Variants in CDC42BPB observed in about 807,000 individuals in gnomAD.
CDC42BPB encodes serine/threonine-protein kinase MRCK beta.
In CDC42BPB, 37 loss-of-function variants were observed where a neutral mutation model predicts 214.9. The observed-to-expected ratio is 0.17, with a 90% CI of 0.13 to 0.23. The LOEUF (loss-of-function observed/expected upper bound fraction) is 0.23, where lower values mean the gene tolerates loss of function less well. Ranked by LOEUF, CDC42BPB falls within the 10% of genes least tolerant of loss-of-function variation. CDC42BPB has a pLI of 1.00. For missense variants in CDC42BPB, 1,694 were observed against 2,227.0 expected, an observed-to-expected ratio of 0.76 and a Z score of 4.82; for synonymous variants, 931 against 884.0, an observed-to-expected ratio of 1.05 and a Z score of -0.94.
chr14:102,957,044 A>G (rs1302032058), intron 21 of CDC42BPB, among the ~76,000 whole-genome samples: 1 of 149,044 alleles, frequency 6.7e-6, no homozygotes, highest in Non-Finnish European at 1.5e-5. Flanking sequence ...AAAAAAAAAA[A>G]AAAAAAATTA....
In CDC42BPB at chr14:102,964,646, G is replaced by A. The variant is rs1319568762; in HGVS notation, c.2582C>T (p.Pro861Leu). ...CTGGCTGCGGCGCACCTTCCACAGC[G>A]GGTCCTTGAGACACGGTCATGGCGT... is the stretch of plus-strand genomic sequence containing the variant. ...SSSLGSRTLD[P>L]LWKVRRSQKL... Residue 861 changes from proline (P) to leucine (L), a missense_variant, in exon 19 of 37, where the codon CCG (proline) becomes CTG (leucine). By Grantham distance (98) the Pro-to-Leu change is moderately conservative. Transcript: ENST00000361246. 4.4e-6 allele frequency: 7 copies of A among 1,606,744 alleles called. No individual in the cohort carries two copies. The highest frequency in any genetic ancestry group is 6.0e-6 in the Non-Finnish European group (7 of 1,175,560).
At chr14:102,967,213 T>C in intron 16 of CDC42BPB, 43 bp from the exon 17 acceptor site, 1 of 1,587,904 alleles carries the variant, frequency 6.3e-7, no homozygotes, top group Non-Finnish European at 8.6e-7. Flanking sequence ...TAATCGGGCA[T>C]CCTTTAAGTA....
At chr14:102,999,511 G>C in intron 5 of CDC42BPB, 54 bp downstream of exon 5, 1 of 1,584,372 alleles carries the variant, frequency 6.3e-7, no homozygotes, top group South Asian at 1.1e-5. Flanking sequence ...GCTCTGAAAG[G>C]AGTCTTTTAA....
At chr14:102,973,971 T>C in intron 12 of CDC42BPB, 45 bp downstream of exon 12, 2 of 1,565,348 alleles carry the variant, frequency 1.3e-6, no homozygotes, top group Non-Finnish European at 8.6e-7. Flanking sequence ...TACAGAATTC[T>C]GCAAAGTCCC....
At position 102,943,483 on chromosome 14, in the gene CDC42BPB, T is replaced by C. The variant is rs994895034; in HGVS notation, c.4408+408A>G. 6.6e-6 allele frequency among the ~76,000 whole-genome samples: 1 copy of C among 152,218 alleles called. No individual in the cohort carries two copies. Among genetic ancestry groups the C allele is most frequent in the Non-Finnish European group, 1.5e-5 (1 of 68,044 alleles). On this transcript the variant is annotated intron_variant, in intron 30 of 36. Transcript: ENST00000361246. This position sits in a 1 kb window ranked among gnomAD's most constrained non-coding sequence, Gnocchi z 4.6. Reference sequence around the variant, plus strand: ...CTTAAGACACCAGAGGTGAATTATTTTCTGGCCACCAAAACCCCTCAAGCT... The same window carrying C: ...CTTAAGACACCAGAGGTGAATTATTCTCTGGCCACCAAAACCCCTCAAGCT...
At chr14:102,955,743 G>A (rs1215080301) in intron 21 of CDC42BPB, among the ~76,000 whole-genome samples, 1 of 152,260 alleles carries the variant, frequency 6.6e-6, no homozygotes. Flanking sequence ...ATGCTGAGTA[G>A]CAAGTGTTAG....
At chr14:103,048,852 C>A (rs1888450591) in intron 1 of CDC42BPB, among the ~76,000 whole-genome samples, 1 of 150,780 alleles carries the variant, frequency 6.6e-6, no homozygotes, top group South Asian at 2.1e-4. Context: ...CCAGCCTGGG[C>A]AACAGAATGA....
At chr14:102,939,976 G>A (rs574304884) in intron 32 of CDC42BPB, 29 bp from the exon 33 acceptor site, 19 of 1,613,584 alleles carry the variant, frequency 1.2e-5, no homozygotes, top group Non-Finnish European at 1.4e-5. Flanking sequence ...CGGTGACGGT[G>A]CTGCGGCACC....
chr14:102,944,481 A>C lies in CDC42BPB; in HGVS notation c.3818T>G (p.Val1273Gly), dbSNP rs1393940175. 6.2e-7 allele frequency: 1 copy of C among 1,609,970 alleles called. No homozygotes were observed. Among genetic ancestry groups the C allele is most frequent in the Admixed American group, 1.7e-5 (1 of 59,940 alleles). Residue 1273 changes from valine to glycine, a missense_variant, in exon 30 of 37, where the codon GTC becomes GGC. Physicochemically the swap from Val to Gly is moderately radical, Grantham distance 109. This residue lies in a region of CDC42BPB where 567 missense variants were observed against 790.3 expected (regional missense o/e 0.72). Coordinates refer to ENST00000361246, the MANE Select transcript of CDC42BPB (RefSeq NM_006035.4). This position sits in a 1 kb window ranked among gnomAD's most constrained non-coding sequence, Gnocchi z 6.6. Reference sequence around the variant, plus strand: ...TACCTTCTTACAGTCAGCGGCACGGACGATCACTGTGGCAAGGAGGACAAG... The same window carrying C: ...TACCTTCTTACAGTCAGCGGCACGGCCGATCACTGTGGCAAGGAGGACAAG... ...YVIEVTRDVI[V>G]RAADCKKVHQ...
intron 1 of CDC42BPB, among the ~76,000 whole-genome samples, chr14:103,032,359 ATTTT>A (rs35561125): frequency 6.6e-6 from 1 of 151,154 alleles, no homozygotes; most frequent in Admixed American, 6.6e-5. Context: ...AGAAATGCCT[ATTTT>A]TTTTTACATC....
At chr14:103,019,657 A>G (rs1251956394) in intron 1 of CDC42BPB, among the ~76,000 whole-genome samples, 1 of 152,238 alleles carries the variant, frequency 6.6e-6, no homozygotes, top group Non-Finnish European at 1.5e-5. Context: ...AGATAAGGAC[A>G]TTCAACATCT....
chr14:102,935,546 T>G, intron 36 of CDC42BPB, among the ~76,000 whole-genome samples: 1 of 152,100 alleles, frequency 6.6e-6, no homozygotes, highest in East Asian at 1.9e-4. Context: ...TCCCAGCACT[T>G]TGGGAGGCCA....
At chr14:102,959,072 G>A (rs1309857671) in intron 21 of CDC42BPB, among the ~76,000 whole-genome samples, 1 of 151,948 alleles carries the variant, frequency 6.6e-6, no homozygotes, top group African/African-American at 2.4e-5. Flanking sequence ...CAAGGTGGGT[G>A]GATCACCTGA....
chr14:103,035,329 T>A (rs1270212929), intron 1 of CDC42BPB, among the ~76,000 whole-genome samples: 1 of 152,108 alleles, frequency 6.6e-6, no homozygotes, highest in Non-Finnish European at 1.5e-5. Flanking sequence ...AATGCTGGGA[T>A]TACAGGTGTG....
At position 102,939,920 on chromosome 14, in the gene CDC42BPB, G is replaced by C. The variant is rs759726532; in HGVS notation, c.4619C>G (p.Ser1540Cys). ...CAGCATCTGCTTCTTGCTGTTGTCG[G>C]AGGTGTCCGGCACGTTGAGAACCGC... The part of the protein sequence containing the change: ...SGAVLNVPDT[S>C]DNSKKQMLRT... The change falls in exon 33 of 37, where the codon TCC (serine) becomes TGC (cysteine). Residue 1540 changes from serine (S) to cysteine (C), a missense_variant. This residue lies in a region of CDC42BPB where 567 missense variants were observed against 790.3 expected (regional missense o/e 0.72). Coordinates refer to ENST00000361246, the MANE Select transcript of CDC42BPB (RefSeq NM_006035.4). 3.7e-6 allele frequency: 6 copies of C among 1,613,860 alleles called. No homozygotes were observed. Among genetic ancestry groups the C allele is most frequent in the South Asian group, 3.3e-5 (3 of 91,092 alleles).
intron 1 of CDC42BPB, among the ~76,000 whole-genome samples, chr14:103,056,563 G>A (rs1171684705): frequency 6.6e-6 from 1 of 151,646 alleles, no homozygotes; most frequent in Non-Finnish European, 1.5e-5. Context: ...CAAAGGCGAG[G>A]TGCGGGGGCG....
At chr14:103,028,326 C>T (rs1887163951) in intron 1 of CDC42BPB, among the ~76,000 whole-genome samples, 1 of 152,166 alleles carries the variant, frequency 6.6e-6, no homozygotes, top group Non-Finnish European at 1.5e-5. Flanking sequence ...TACGAGTAAG[C>T]ACCTGAGTCC....
In CDC42BPB at chr14:103,001,501, G is replaced by T. The variant is rs571998622; in HGVS notation, c.448-1788C>A. Among the ~76,000 whole-genome samples the T allele has an allele frequency of 1.3e-5, 2 of 152,204 alleles. No individual in the cohort carries two copies. Among genetic ancestry groups the T allele is most frequent in the African/African-American group, 4.8e-5 (2 of 41,450 alleles). ...GGGGTGCGTGCAAAGCGGCTAGGAGGAAAGTGGCAGCGGCACCCTGGAGCC... is the reference window on the plus strand; with the variant it reads ...GGGGTGCGTGCAAAGCGGCTAGGAGTAAAGTGGCAGCGGCACCCTGGAGCC... On this transcript the variant is annotated intron_variant, in intron 4 of 36. Coordinates refer to ENST00000361246, the MANE Select transcript of CDC42BPB (RefSeq NM_006035.4). The surrounding 1 kb of genome is among the most constrained non-coding windows in gnomAD (Gnocchi z 5.8).
intron 19 of CDC42BPB, among the ~76,000 whole-genome samples, chr14:102,963,540 G>A (rs1893052300): frequency 1.3e-5 from 2 of 152,218 alleles, no homozygotes; most frequent in South Asian, 4.1e-4. Context: ...AGAAGCACCA[G>A]CACCACCCGC....
Sources: allele counts gnomAD v4.1 joint callset (sites outside exome capture counted in the v4.1 genomes callset), GRCh38; gene constraint gnomAD v4.1.1; regional missense constraint gnomAD v4.1.1; non-coding constraint Gnocchi (gnomAD v3.1); transcripts MANE v1.5; gene names NCBI Gene and HGNC (gene_info 2026-07-23, HGNC 2026-07-21).